Variants in PSD2 observed in about 807,000 individuals in gnomAD.
The protein encoded by PSD2 is PH and SEC7 domain-containing protein 2.
Under a neutral mutation model 69.8 loss-of-function variants are expected in PSD2, and 38 were observed. The ratio of observed to expected loss-of-function variants is 0.54; its 90% CI spans 0.42 to 0.71. The LOEUF is 0.71. Among genes scored for constraint, PSD2 ranks in the 30% least tolerant of loss-of-function variants. The probability of loss-of-function intolerance (pLI) is 0.00; values close to 1 mark genes in which losing one functional copy is unlikely to be tolerated. For synonymous variants in PSD2, 412 were observed against 423.0 expected (o/e 0.97, Z 0.32); for missense variants, 943 against 1,014.5 (o/e 0.93, Z 0.96).
chr5:139,798,316 G>C (rs1195536114), intron 1 of PSD2, among the ~76,000 whole-genome samples: 1 of 152,178 alleles, frequency 6.6e-6, no homozygotes, highest in African/African-American at 2.4e-5. Flanking sequence ...CTTGCCCACA[G>C]GTGAGTCCGT....
intron 1 of PSD2, among the ~76,000 whole-genome samples, chr5:139,797,008 T>C (rs1759548677): frequency 6.6e-6 from 1 of 150,918 alleles, no homozygotes. Flanking sequence ...AAACAAGAGC[T>C]GCTTAATAGT....
intron 1 of PSD2, among the ~76,000 whole-genome samples, chr5:139,807,057 C>T (rs1759826897): frequency 6.6e-6 from 1 of 152,200 alleles, no homozygotes; most frequent in Non-Finnish European, 1.5e-5. Context: ...CCCAAGAGGT[C>T]CTCAATCTGT....
At chr5:139,767,546 C>G in the PSD2 span, among the ~76,000 whole-genome samples, 2 of 152,106 alleles carry the variant, frequency 1.3e-5, no homozygotes, top group Admixed American at 1.3e-4. Flanking sequence ...AACTCCTGAT[C>G]TCAAGTGATC....
At chr5:139,788,752 C>G in the PSD2 span, among the ~76,000 whole-genome samples, 1 of 152,220 alleles carries the variant, frequency 6.6e-6, no homozygotes, top group Non-Finnish European at 1.5e-5. Context: ...ACTGCAAGTC[C>G]CTGGCACTCC....
At chr5:139,745,752 C>T in the PSD2 span, among the ~76,000 whole-genome samples, 3 of 152,208 alleles carry the variant, frequency 2.0e-5, no homozygotes, top group Non-Finnish European at 4.4e-5. Flanking sequence ...TGGGGGTCTC[C>T]TGTGTTCACG....
chr5:139,743,565 A>G, the PSD2 span, among the ~76,000 whole-genome samples: 2 of 151,978 alleles, frequency 1.3e-5, no homozygotes, highest in Non-Finnish European at 2.9e-5. Context: ...TCTTTTTGTG[A>G]GTGAGGACCT....
At chr5:139,754,376 G>A in the PSD2 span, among the ~76,000 whole-genome samples, 2 of 152,084 alleles carry the variant, frequency 1.3e-5, no homozygotes, top group Non-Finnish European at 2.9e-5. Flanking sequence ...AGACCAGCCT[G>A]GGCAACATGG....
chr5:139,820,127 A>C (rs934423585), intron 5 of PSD2, among the ~76,000 whole-genome samples: 1 of 152,006 alleles, frequency 6.6e-6, no homozygotes, highest in Non-Finnish European at 1.5e-5. Flanking sequence ...AGATGTGGGG[A>C]GGGTGGACAG....
rs372426914 is a variant in PSD2 at position 139,842,252 on chromosome 5, G to A, written c.2113-19G>A. The A allele has an allele frequency of 6.2e-7, 1 of 1,610,478 alleles. No individual in the cohort carries two copies. The highest frequency in any genetic ancestry group is 8.5e-7 in the Non-Finnish European group (1 of 1,176,822). On this transcript the variant is annotated intron_variant, in intron 14 of 14. Transcript: ENST00000274710. Reference sequence around the variant, plus strand: ...TCCTATTTTGTTGTCTTTTGACCTTGTGTTTGGCCTTTCCCCAGAAAAGCC... The same window carrying A: ...TCCTATTTTGTTGTCTTTTGACCTTATGTTTGGCCTTTCCCCAGAAAAGCC...
At chr5:139,779,606 T>C in the PSD2 span, among the ~76,000 whole-genome samples, 1 of 152,236 alleles carries the variant, frequency 6.6e-6, no homozygotes, top group Non-Finnish European at 1.5e-5. Context: ...ATACCATTTA[T>C]TGAGTTTTAA....
At chr5:139,768,925 T>A in the PSD2 span, among the ~76,000 whole-genome samples, 2 of 152,118 alleles carry the variant, frequency 1.3e-5, no homozygotes, top group Non-Finnish European at 2.9e-5. Flanking sequence ...GCCTGTGAAC[T>A]CATGCGTTCA....
At chr5:139,835,881 A>G in intron 9 of PSD2, 115 bp downstream of exon 9, 4 of 967,254 alleles carry the variant, frequency 4.1e-6, no homozygotes, top group Admixed American at 1.7e-5. Flanking sequence ...CTCCCAATCC[A>G]GGGCCTGATA....
At chr5:139,822,683 A>G in intron 6 of PSD2, 43 bp from the exon 7 acceptor site, 1 of 1,556,612 alleles carries the variant, frequency 6.4e-7, no homozygotes, top group South Asian at 1.2e-5. Context: ...GAGTGGGAAG[A>G]GGTTGGATCC....
the PSD2 span, among the ~76,000 whole-genome samples, chr5:139,750,846 G>A: frequency 6.6e-6 from 1 of 152,218 alleles, no homozygotes; most frequent in Admixed American, 6.5e-5. Context: ...TGGATCTGAG[G>A]CCTGGGGCAA....
chr5:139,764,614 G>T, the PSD2 span, among the ~76,000 whole-genome samples: 1 of 152,160 alleles, frequency 6.6e-6, no homozygotes, highest in Non-Finnish European at 1.5e-5. Flanking sequence ...GCCCTCCCCC[G>T]GCGCCCCGCA....
At chr5:139,793,249 C>G (rs940592279), upstream of PSD2, among the ~76,000 whole-genome samples, 42 of 152,306 alleles carry the variant, frequency 2.8e-4, no homozygotes, top group African/African-American at 9.9e-4. Flanking sequence ...CAGCCTGACC[C>G]TGCTGTCTTT....
chr5:139,796,789 C>T (rs1759542583), intron 1 of PSD2, among the ~76,000 whole-genome samples: 1 of 152,198 alleles, frequency 6.6e-6, no homozygotes, highest in Non-Finnish European at 1.5e-5. Flanking sequence ...ACCCCTTTGT[C>T]TTGGGGCCAT....
intron 1 of PSD2, among the ~76,000 whole-genome samples, chr5:139,805,045 T>C (rs568380078): frequency 2.4e-4 from 37 of 152,230 alleles, no homozygotes; most frequent in African/African-American, 8.2e-4. Flanking sequence ...TGCATGTGTG[T>C]GCGCATGTGT....
In PSD2 at chr5:139,809,684, G is replaced by C; in HGVS notation, c.244G>C (p.Ala82Pro). The C allele has an allele frequency of 1.9e-6, 3 of 1,614,252 alleles. No individual in the cohort carries two copies. The highest frequency in any genetic ancestry group is 2.5e-6 in the Non-Finnish European group (3 of 1,180,048). ...SLGLSLTNGL[A>P]LGPDLNILED... is the part of the protein sequence containing the mutation. The stretch of plus-strand genomic sequence containing the variant: ...TGGCCTCTCTCTCACCAATGGCCTA[G>C]CCCTGGGGCCAGACTTGAACATTCT... Residue 82 changes from alanine (A) to proline (P), a missense_variant, in exon 2 of 15, where the codon GCC (alanine) becomes CCC (proline). By Grantham distance (27) the Ala-to-Pro change is conservative. Around this residue, in one of 3 missense-constraint regions of PSD2, gnomAD observed 466 missense variants for 445.0 expected, o/e 1.05. Coordinates refer to ENST00000274710, the MANE Select transcript of PSD2 (RefSeq NM_032289.4).
Sources: gnomAD v4.1 joint callset for allele counts (sites outside exome capture counted in the v4.1 genomes callset) on GRCh38, gnomAD v4.1.1 for gene constraint, gnomAD v4.1.1 regional missense constraint, MANE v1.5 for transcripts, NCBI Gene and HGNC (gene_info 2026-07-23, HGNC 2026-07-21) for gene names.